Variants in SH3PXD2A observed in about 807,000 individuals in gnomAD.
SH3PXD2A encodes SH3 and PX domains 2A, also known as SH3 and PX domain-containing protein 2A.
Under a neutral mutation model 115.2 loss-of-function variants are expected in SH3PXD2A, and 32 were observed. The observed-to-expected ratio is 0.28, with a 90% CI of 0.21 to 0.37. The LOEUF (loss-of-function observed/expected upper bound fraction) is 0.37, where lower values mean the gene tolerates loss of function less well. Among genes scored for constraint, SH3PXD2A ranks in the 10% least tolerant of loss-of-function variants. The probability of loss-of-function intolerance (pLI) is 1.00; values close to 1 mark genes in which losing one functional copy is unlikely to be tolerated. For synonymous variants in SH3PXD2A, 610 were observed against 629.1 expected (o/e 0.97, Z 0.45); for missense variants, 1,328 against 1,498.7 (o/e 0.89, Z 1.88).
intron 9 of SH3PXD2A, among the ~76,000 whole-genome samples, chr10:103,624,524 T>C (rs1049226477): frequency 2.0e-5 from 3 of 152,172 alleles, no homozygotes; most frequent in Non-Finnish European, 4.4e-5. Flanking sequence ...ACTCCCACCC[T>C]TCCTACCATA....
rs758192955 is a variant in SH3PXD2A at position 103,602,954 on chromosome 10, G to C, written c.2264C>G (p.Ser755Trp). ...GLTSCPRAKPSVRPKPFLNRA... is the reference protein window; with the variant it reads ...GLTSCPRAKPWVRPKPFLNRA... ...GTTTAGGAATGGCTTGGGCCGGACC[G>C]ATGGCTTGGCCCGGGGACAGGAGGT... The change falls in exon 15 of 15, where the codon TCG becomes TGG. Residue 755 changes from serine to tryptophan, a missense_variant. By Grantham distance (177) the Ser-to-Trp change is radical (BLOSUM62 -3). This residue lies in a region of SH3PXD2A where 574 missense variants were observed against 565.7 expected (regional missense o/e 1.01). Coordinates refer to ENST00000369774, the MANE Select transcript of SH3PXD2A (RefSeq NM_001394015.1). 6.2e-7 allele frequency: 1 copy of C among 1,614,086 alleles called. No individual in the cohort carries two copies. Among genetic ancestry groups the C allele is most frequent in the African/African-American group, 1.3e-5 (1 of 74,946 alleles).
At chr10:103,608,101 T>A (rs2133920988) in intron 13 of SH3PXD2A, among the ~76,000 whole-genome samples, 1 of 122,880 alleles carries the variant, frequency 8.1e-6, no homozygotes, top group Middle Eastern at 5.7e-3. Context: ...TATTGTCCTA[T>A]GACCCTGCCA....
chr10:103,656,361 G>A (rs910932567), intron 8 of SH3PXD2A, among the ~76,000 whole-genome samples: 1 of 152,188 alleles, frequency 6.6e-6, no homozygotes, highest in African/African-American at 2.4e-5. Context: ...TTCAAACTTC[G>A]AATTCTGAAC....
intron 11 of SH3PXD2A, among the ~76,000 whole-genome samples, chr10:103,615,486 GTGTGTGTGTGTGT>G (rs2036500474): frequency 9.6e-5 from 3 of 31,246 alleles, no homozygotes; most frequent in African/African-American, 6.4e-4. Flanking sequence ...GTGCGAGGGT[GTGTGTGTGTGTGT>G]GTGTGTGTGT....
intron 1 of SH3PXD2A, among the ~76,000 whole-genome samples, chr10:103,823,177 C>T (rs936239982): frequency 1.3e-5 from 2 of 152,224 alleles, no homozygotes; most frequent in African/African-American, 4.8e-5. Context: ...TGGGAATCCT[C>T]AGAATAAATA....
chr10:103,703,619 CG>C (rs1271271880), intron 5 of SH3PXD2A, among the ~76,000 whole-genome samples: 5 of 152,174 alleles, frequency 3.3e-5, no homozygotes, highest in Non-Finnish European at 7.3e-5. Flanking sequence ...TAGAATTCTC[CG>C]GGGTAATGGA....
At chr10:103,689,678 C>CA (rs979011446) in intron 6 of SH3PXD2A, among the ~76,000 whole-genome samples, 4 of 151,992 alleles carry the variant, frequency 2.6e-5, no homozygotes, top group African/African-American at 7.2e-5. Flanking sequence ...AAACAAAAAA[C>CA]AAAAAACGAG....
chr10:103,789,558 A>ACACACACAC (rs1564889466), intron 2 of SH3PXD2A, among the ~76,000 whole-genome samples: 2 of 134,298 alleles, frequency 1.5e-5, no homozygotes, highest in African/African-American at 5.6e-5. Context: ...CACACACACA[A>ACACACACAC]CACTCACCTG....
chr10:103,662,782 C>T (rs2037332910), intron 7 of SH3PXD2A, among the ~76,000 whole-genome samples: 1 of 152,122 alleles, frequency 6.6e-6, no homozygotes, highest in Admixed American at 6.5e-5. Flanking sequence ...CTTCTCAGAC[C>T]ACCCCCAGCC....
chr10:103,747,385 G>A (rs975243361), intron 3 of SH3PXD2A, among the ~76,000 whole-genome samples: 43 of 152,168 alleles, frequency 2.8e-4, no homozygotes, highest in African/African-American at 8.7e-4. Context: ...CCCTGTGGGA[G>A]CCGGGAATAA....
At chr10:103,631,736 G>C (rs992061328) in intron 8 of SH3PXD2A, among the ~76,000 whole-genome samples, 14 of 152,182 alleles carry the variant, frequency 9.2e-5, no homozygotes, top group African/African-American at 2.9e-4. Flanking sequence ...ATCCCAAAGA[G>C]CTGTCACCAC....
intron 1 of SH3PXD2A, among the ~76,000 whole-genome samples, chr10:103,811,911 A>C (rs1040343880): frequency 2.0e-5 from 3 of 152,248 alleles, no homozygotes; most frequent in Non-Finnish European, 4.4e-5. Flanking sequence ...ATGAGAACGC[A>C]AGAACAACCA....
intron 2 of SH3PXD2A, among the ~76,000 whole-genome samples, chr10:103,788,876 T>C (rs1345329354): frequency 2.0e-5 from 3 of 151,766 alleles, no homozygotes; most frequent in Non-Finnish European, 4.4e-5. Context: ...AGCAAGACTC[T>C]GCCTCAAAAA....
chr10:103,730,237 T>A (rs1589432921), intron 4 of SH3PXD2A, among the ~76,000 whole-genome samples: 1 of 143,462 alleles, frequency 7.0e-6, no homozygotes, highest in African/African-American at 2.8e-5. Context: ...CGTTTCTTTT[T>A]TTTTTTTTTT....
At chr10:103,786,660 TA>T (rs1372267993) in intron 2 of SH3PXD2A, among the ~76,000 whole-genome samples, 2 of 151,980 alleles carry the variant, frequency 1.3e-5, no homozygotes, top group Middle Eastern at 3.2e-3. Flanking sequence ...TGAGACCTCT[TA>T]AAAAAATAAA....
intron 6 of SH3PXD2A, among the ~76,000 whole-genome samples, chr10:103,686,494 T>C (rs1444305842): frequency 6.6e-6 from 1 of 152,160 alleles, no homozygotes; most frequent in African/African-American, 2.4e-5. Context: ...CCACTGGGGC[T>C]CCTGGAGCAG....
At chr10:103,693,914 C>A (rs1221195102) in intron 5 of SH3PXD2A, among the ~76,000 whole-genome samples, 2 of 152,200 alleles carry the variant, frequency 1.3e-5, no homozygotes, top group African/African-American at 2.4e-5. Flanking sequence ...ACTGCACCCT[C>A]CCAGCCTCCG....
intron 5 of SH3PXD2A, among the ~76,000 whole-genome samples, chr10:103,721,918 G>A (rs1319352303): frequency 6.6e-6 from 1 of 152,020 alleles, no homozygotes; most frequent in Non-Finnish European, 1.5e-5. Context: ...AGATGAATGT[G>A]GGCTTCTGCT....
chr10:103,693,596 C>T (rs1317406460), intron 5 of SH3PXD2A: 3 of 152,282 alleles, frequency 2.0e-5, no homozygotes, highest in Non-Finnish European at 4.4e-5. Context: ...TTCCTCAAAA[C>T]CACCCGCCAG....
Sources: allele counts gnomAD v4.1 joint callset (sites outside exome capture counted in the v4.1 genomes callset), GRCh38; gene constraint gnomAD v4.1.1; regional missense constraint gnomAD v4.1.1; transcripts MANE v1.5; gene names NCBI Gene and HGNC (gene_info 2026-07-23, HGNC 2026-07-21).